TRMT44: variants seen among roughly 807,000 people sequenced by gnomAD.
The protein encoded by TRMT44 is tRNA methyltransferase 44 homolog.
Under a neutral mutation model 77.3 loss-of-function variants are expected in TRMT44, and 78 were observed. The observed-to-expected ratio is 1.01, with a 90% CI of 0.84 to 1.22. TRMT44 has a LOEUF of 1.22. TRMT44 is among the 50% of genes most tolerant of loss of function. The pLI is 0.00. For synonymous variants in TRMT44, 391 were observed against 383.3 expected, an observed-to-expected ratio of 1.02 and a Z score of -0.23; for missense variants, 1,090 against 964.4, an observed-to-expected ratio of 1.13 and a Z score of -1.73.
chr4:8,465,500 T>G lies in TRMT44; in HGVS notation c.1433T>G (p.Val478Gly). The G allele has an allele frequency of 6.2e-7, 1 of 1,614,172 alleles. No individual in the cohort carries two copies. The highest frequency in any genetic ancestry group is 8.5e-7 in the Non-Finnish European group (1 of 1,180,020). Residue 478 changes from valine to glycine, a missense_variant, in exon 8 of 11, where the codon GTG (valine) becomes GGG (glycine). Val to Gly is a moderately radical substitution (Grantham distance 109). Coordinates refer to ENST00000389737, the MANE Select transcript of TRMT44 (RefSeq NM_152544.3). ...YREYLDFIKE[V>G]GFTCGFHVDE... ...GAATACCTTGACTTCATTAAAGAAG[T>G]GGGCTTCACCTGTGGGTTTCACGTG... is the stretch of plus-strand genomic sequence containing the variant.
chr4:8,511,306 G>A, the TRMT44 span, among the ~76,000 whole-genome samples: 1 of 152,232 alleles, frequency 6.6e-6, no homozygotes, highest in Non-Finnish European at 1.5e-5. Context: ...AATCCTGGGG[G>A]TTGGTTGTGG....
chr4:8,446,438 G>C lies in TRMT44; in HGVS notation c.620-38G>C. On this transcript the variant is annotated intron_variant, in intron 1 of 10. Transcript: ENST00000389737. This position sits in a 1 kb window ranked among gnomAD's most constrained non-coding sequence, Gnocchi z 4.3. Reference sequence around the variant, plus strand: ...CTGCTTCTGATGAGACGGTAGCTAGGCAGTTGTAATTTGTCCTTCTTCTCT... The same window carrying C: ...CTGCTTCTGATGAGACGGTAGCTAGCCAGTTGTAATTTGTCCTTCTTCTCT... 7.7e-7 allele frequency: 1 copy of C among 1,296,738 alleles called. No homozygotes were observed. Among genetic ancestry groups the C allele is most frequent in the Non-Finnish European group, 1.1e-6 (1 of 929,658 alleles). The allele number at this position is 1,296,738 out of a possible 1,614,324, so 80.3% of individuals were successfully genotyped here.
At chr4:8,481,416 C>T (rs1358174649), downstream of TRMT44, among the ~76,000 whole-genome samples, 1 of 152,206 alleles carries the variant, frequency 6.6e-6, no homozygotes, top group African/African-American at 2.4e-5. Context: ...GGGCCATGGT[C>T]ACTCATATTT....
the TRMT44 span, chr4:8,509,901 C>T: frequency 2.0e-5 from 3 of 152,274 alleles, no homozygotes; most frequent in African/African-American, 7.2e-5. Context: ...GACTCTGAGC[C>T]AGGCCTTAAG....
rs777771310 is a variant in TRMT44, at chr4:8,441,217, G to T, written c.395G>T (p.Gly132Val). ...TCCGGGCACCCCGGCCATGCTGAAGGAAGGGAGGGCGACTTCCCCGCCGCA... is the reference window on the plus strand; with the variant it reads ...TCCGGGCACCCCGGCCATGCTGAAGTAAGGGAGGGCGACTTCCCCGCCGCA... ...RDSGHPGHAEGREGDFPAADL... is the reference protein window; with the variant it reads ...RDSGHPGHAEVREGDFPAADL... The change falls in exon 1 of 11, where the codon GGA becomes GTA. Residue 132 changes from glycine (G) to valine (V), a missense_variant. Physicochemically the swap from Gly to Val is moderately radical, Grantham distance 109 (BLOSUM62 -3). Transcript: ENST00000389737. The T allele has an allele frequency of 3.3e-6, 5 of 1,535,430 alleles. No individual in the cohort carries two copies. Among genetic ancestry groups the T allele is most frequent in the Non-Finnish European group, 4.4e-6 (5 of 1,146,572 alleles).
chr4:8,500,743 C>T, the TRMT44 span, among the ~76,000 whole-genome samples: 1 of 151,770 alleles, frequency 6.6e-6, no homozygotes, highest in Non-Finnish European at 1.5e-5. Flanking sequence ...CTACAACTTC[C>T]ACCTCCTGGG....
rs143157011 is a variant in TRMT44, at chr4:8,468,089, A to G, written c.1670A>G (p.Gln557Arg). Reference sequence around the variant, plus strand: ...GGCAGTGCTGGTCACTGTGACGGTCAGCAAGCTCTGGACGCCAGGGTCGGG... The same window carrying G: ...GGCAGTGCTGGTCACTGTGACGGTCGGCAAGCTCTGGACGCCAGGGTCGGG... ...AAGSAGHCDG[Q>R]QALDARVGCV... The change falls in exon 9 of 11, where the codon CAG becomes CGG. Residue 557 changes from glutamine to arginine, a missense_variant. Transcript: ENST00000389737. 632 of 1,613,968 alleles carry G rather than the reference A, an allele frequency of 3.9e-4. No individual in the cohort carries two copies. The African/African-American group carries it at 7.5e-3, about 19-fold the overall frequency.
chr4:8,508,030 C>T, the TRMT44 span, among the ~76,000 whole-genome samples: 1 of 152,220 alleles, frequency 6.6e-6, no homozygotes, highest in Non-Finnish European at 1.5e-5. Context: ...CCTCAGCCTC[C>T]CGAGTAGCTG....
At chr4:8,450,781 G>C (rs1318496222) in intron 3 of TRMT44, among the ~76,000 whole-genome samples, 1 of 137,830 alleles carries the variant, frequency 7.3e-6, no homozygotes, top group African/African-American at 2.7e-5. Flanking sequence ...ACCACAATTT[G>C]TCATTTCCAT....
the TRMT44 span, among the ~76,000 whole-genome samples, chr4:8,499,683 T>C: frequency 2.0e-5 from 3 of 152,018 alleles, no homozygotes; most frequent in Non-Finnish European, 4.4e-5. Flanking sequence ...TACCGTGTGT[T>C]CTCATCTATA....
chr4:8,495,011 TC>T (rs751362429), downstream of TRMT44, among the ~76,000 whole-genome samples: 23 of 152,048 alleles, frequency 1.5e-4, no homozygotes, highest in Non-Finnish European at 2.1e-4. Flanking sequence ...TTTCACCAGC[TC>T]CCAGCTGCTC....
chr4:8,499,645 C>G, the TRMT44 span, among the ~76,000 whole-genome samples: 1 of 151,718 alleles, frequency 6.6e-6, no homozygotes, highest in Non-Finnish European at 1.5e-5. Flanking sequence ...ACCACCACCA[C>G]CAAAGATGAA....
chr4:8,453,354 A>G, intron 5 of TRMT44: 1 of 157,476 alleles, frequency 6.4e-6, no homozygotes, highest in Non-Finnish European at 1.4e-5. Flanking sequence ...GAGAAGCTTC[A>G]GGCCAGGCAC....
chr4:8,494,802 T>C (rs1728104719), downstream of TRMT44, among the ~76,000 whole-genome samples: 1 of 152,104 alleles, frequency 6.6e-6, no homozygotes, highest in Non-Finnish European at 1.5e-5. Flanking sequence ...ATGAAGCTTT[T>C]TTTTTTTCTT....
intron 9 of TRMT44, chr4:8,468,683 C>A: frequency 3.9e-6 from 2 of 517,156 alleles, no homozygotes; most frequent in Non-Finnish European, 6.8e-6. Context: ...AAGCAAAATG[C>A]ACTGTCCCCT....
chr4:8,475,853 T>G lies in TRMT44; in HGVS notation c.2126T>G (p.Leu709Arg), dbSNP rs993908291. 4 of 1,614,098 alleles carry G rather than the reference T, an allele frequency of 2.5e-6. No individual in the cohort carries two copies. The African/African-American group carries it at 5.3e-5, about 22-fold the overall frequency. The change falls in exon 11 of 11, where the codon CTG (leucine) becomes CGG (arginine). Residue 709 changes from leucine (L) to arginine (R), a missense_variant. Leu to Arg is a moderately radical substitution (Grantham distance 102, BLOSUM62 -2). Transcript: ENST00000389737. Reference sequence around the variant, plus strand: ...AAGCAACCGGAAGCGAAACAGAGACTGCTCTCTGAAGCCTGCAAAACCCGC... The same window carrying G: ...AAGCAACCGGAAGCGAAACAGAGACGGCTCTCTGAAGCCTGCAAAACCCGC... Reference protein sequence around the residue: ...KTKQPEAKQRLLSEACKTRLC... With the variant: ...KTKQPEAKQRRLSEACKTRLC...
At position 8,461,950 on chromosome 4, in the gene TRMT44, T is replaced by C. The variant is rs528198030; in HGVS notation, c.1204-2035T>C. ...CAGGCGTAGAATATAACTTTTTTTC[T>C]TTCTTTCAAAAACCTCATTTGATTG... On this transcript the variant is annotated intron_variant, in intron 6 of 10. Coordinates refer to ENST00000389737, the MANE Select transcript of TRMT44 (RefSeq NM_152544.3). This position sits in a 1 kb window ranked among gnomAD's most constrained non-coding sequence, Gnocchi z 4.6. 2.6e-5 allele frequency among the ~76,000 whole-genome samples: 4 copies of C among 152,354 alleles called. No homozygotes were observed. The highest frequency in any genetic ancestry group is 1.9e-4 in the East Asian group (1 of 5,188).
chr4:8,453,064 A>G (rs1725559687), intron 5 of TRMT44, 75 bp downstream of exon 5: 5 of 837,282 alleles, frequency 6.0e-6, no homozygotes, highest in Non-Finnish European at 7.0e-6. Flanking sequence ...GTTCACTGAC[A>G]TCTTTTTCTG....
downstream of TRMT44, among the ~76,000 whole-genome samples, chr4:8,498,289 C>G (rs1728208036): frequency 6.6e-6 from 1 of 152,208 alleles, no homozygotes; most frequent in African/African-American, 2.4e-5. This position sits in a 1 kb window ranked among gnomAD's most constrained non-coding sequence, Gnocchi z 4.3. Context: ...AATGCAGATT[C>G]TACCTCGTGC....
Sources: gnomAD v4.1 joint callset for allele counts (sites outside exome capture counted in the v4.1 genomes callset) on GRCh38, gnomAD v4.1.1 for gene constraint, Gnocchi (gnomAD v3.1) non-coding constraint, MANE v1.5 for transcripts, NCBI Gene and HGNC (gene_info 2026-07-23, HGNC 2026-07-21) for gene names.